Variants in EIF2AK3 observed in about 807,000 individuals in gnomAD.
EIF2AK3 encodes eukaryotic translation initiation factor 2-alpha kinase 3.
A neutral mutation model predicts 113.5 loss-of-function variants in EIF2AK3; 50 were observed. The observed-to-expected ratio is 0.44, with a 90% CI of 0.35 to 0.56. The LOEUF (loss-of-function observed/expected upper bound fraction) is 0.56, where lower values mean the gene tolerates loss of function less well. EIF2AK3 is among the 20% of genes least tolerant of loss of function. EIF2AK3 has a pLI of 0.00. For synonymous variants in EIF2AK3, 448 were observed against 495.4 expected, an observed-to-expected ratio of 0.90 and a Z score of 1.27; for missense variants, 1,185 against 1,378.0, an observed-to-expected ratio of 0.86 and a Z score of 2.22.
At position 88,576,713 on chromosome 2, in the gene EIF2AK3, A is replaced by T. The variant is rs760803985; in HGVS notation, c.1887-10T>A. ...TTCCCGAGCCAATTCCCTGAAAGAG[A>T]GAAAATATTTAAGGTGATGGATATT... On this transcript the variant is annotated splice_polypyrimidine_tract_variant and intron_variant, in intron 11 of 16. Transcript: ENST00000303236. The T allele has an allele frequency of 8.7e-6, 14 of 1,613,934 alleles. No individual in the cohort carries two copies. Among genetic ancestry groups the T allele is most frequent in the Non-Finnish European group, 1.2e-5 (14 of 1,179,922 alleles).
In EIF2AK3 at chr2:88,595,206, CAAAAA is replaced by C. The variant is rs11339424; in HGVS notation, c.633+258_633+262del. On this transcript the variant is annotated intron_variant, in intron 3 of 16. Coordinates refer to ENST00000303236, the MANE Select transcript of EIF2AK3 (RefSeq NM_004836.7). ...TGGGCAACAGAGTGAGACTCTGTCTCAAAAAAAAAAAAAAAAAAAAAAACACCTGA... is the reference window on the plus strand; with the variant it reads ...TGGGCAACAGAGTGAGACTCTGTCTCAAAAAAAAAAAAAAAAAACACCTGA... Among the ~76,000 whole-genome samples the C allele has an allele frequency of 0.042, 2,519 of 59,390 alleles. 30 individuals are homozygous for C. The highest frequency in any genetic ancestry group is 0.06 in the Non-Finnish European group (1,978 of 32,874). 39.0% of individuals were successfully genotyped at this position (59,390 alleles called of 152,430 possible). A position where few individuals can be genotyped will look rare whatever the true frequency, so the allele number is the denominator to read the frequency against.
Position 88,563,562 on chromosome 2 carries a change from G to A in EIF2AK3, c.2986-1172C>T, listed in dbSNP as rs191952521. ...TATAAGAAGCAACTTGGCAATAAAT[G>A]TTTACTCCTGCTTAATGATGCCATC... On this transcript the variant is annotated intron_variant, in intron 14 of 16. Transcript: ENST00000303236. 3.1e-3 allele frequency among the ~76,000 whole-genome samples: 476 copies of A among 152,222 alleles called. 2 individuals carry two copies. Among genetic ancestry groups the A allele is most frequent in the Middle Eastern group, 0.01 (3 of 294 alleles).
intron 3 of EIF2AK3, among the ~76,000 whole-genome samples, chr2:88,594,417 G>C (rs913887354): frequency 6.6e-6 from 1 of 152,096 alleles, no homozygotes. Context: ...GGCTGGTCTC[G>C]AACTCCTGGC....
chr2:88,621,948 G>T (rs1675734489), intron 1 of EIF2AK3, among the ~76,000 whole-genome samples: 1 of 147,960 alleles, frequency 6.8e-6, no homozygotes, highest in Non-Finnish European at 1.5e-5. Context: ...CCAGGCTGGA[G>T]TGCAGTGGCA....
intron 2 of EIF2AK3, among the ~76,000 whole-genome samples, chr2:88,599,079 T>C (rs1379183554): frequency 6.6e-6 from 1 of 151,920 alleles, no homozygotes; most frequent in Non-Finnish European, 1.5e-5. Context: ...TGAAATTATT[T>C]CCAAACAAGA....
At chr2:88,614,160 T>C (rs1173600173) in intron 1 of EIF2AK3, among the ~76,000 whole-genome samples, 4 of 152,180 alleles carry the variant, frequency 2.6e-5, no homozygotes. Context: ...CTGAAAGCCT[T>C]TCCCCTGAAA....
intron 1 of EIF2AK3, among the ~76,000 whole-genome samples, chr2:88,623,737 C>T (rs562230197): frequency 3.3e-5 from 5 of 152,188 alleles, no homozygotes; most frequent in East Asian, 1.9e-4. Context: ...TTATAAACTG[C>T]GTATTTATCT....
intron 1 of EIF2AK3, among the ~76,000 whole-genome samples, chr2:88,623,885 C>CAA (rs1675794478): frequency 6.6e-6 from 1 of 152,152 alleles, no homozygotes; most frequent in Admixed American, 6.5e-5. Flanking sequence ...CTCTTCAAGC[C>CAA]AAAATTCCTG....
intron 14 of EIF2AK3, among the ~76,000 whole-genome samples, chr2:88,566,520 C>CT (rs75677500): frequency 8.4e-4 from 124 of 146,878 alleles, no homozygotes; most frequent in Middle Eastern, 7.2e-3. Flanking sequence ...TTTAAAAACT[C>CT]TTTTTTTTTT....
At chr2:88,596,113 T>A (rs985115687) in intron 2 of EIF2AK3, among the ~76,000 whole-genome samples, 2 of 152,168 alleles carry the variant, frequency 1.3e-5, no homozygotes, top group African/African-American at 4.8e-5. Flanking sequence ...ATATGCAGTA[T>A]TTTCTAGGGC....
Position 88,556,970 on chromosome 2 carries a change from A to AAGAC in EIF2AK3, c.*762_*765dup, listed in dbSNP as rs1673794772. Reference sequence around the variant, plus strand: ...AGTACCAACCTACAGGATTACATATAAGACACTTAAGATTTCATTAGGCTT... The same window carrying AAGAC: ...AGTACCAACCTACAGGATTACATATAAGACAGACACTTAAGATTTCATTAGGCTT... On this transcript the variant is annotated 3_prime_UTR_variant, in exon 17 of 17. Transcript: ENST00000303236. 1 of 152,210 alleles carries AAGAC rather than the reference A, an allele frequency of 6.6e-6. No homozygotes were observed. The highest frequency in any genetic ancestry group is 1.5e-5 in the Non-Finnish European group (1 of 68,026). 9.4% of individuals were successfully genotyped at this position (152,210 alleles called of 1,614,324 possible). A position where few individuals can be genotyped will look rare whatever the true frequency, so the allele number is the denominator to read the frequency against.
intron 4 of EIF2AK3, among the ~76,000 whole-genome samples, chr2:88,591,603 C>T (rs1354718226): frequency 6.6e-6 from 1 of 152,154 alleles, no homozygotes; most frequent in Non-Finnish European, 1.5e-5. Context: ...TGTGGCAAGT[C>T]ATTTACCCTT....
chr2:88,581,679 ATTC>A (rs1427673683), intron 10 of EIF2AK3, among the ~76,000 whole-genome samples: 1 of 152,192 alleles, frequency 6.6e-6, no homozygotes, highest in Admixed American at 6.5e-5. Context: ...TGGATCCTTT[ATTC>A]TTTCTCTCAC....
rs1222983133 is a variant in EIF2AK3, at chr2:88,590,874, C to T, written c.946G>A (p.Asp316Asn). 1.2e-6 allele frequency: 2 copies of T among 1,614,098 alleles called. No individual in the cohort carries two copies. Among genetic ancestry groups the T allele is most frequent in the Admixed American group, 3.3e-5 (2 of 60,026 alleles). ...TTACTGAATGCCATAACTTTCCAGT[C>T]AGCAACCGAAACCTTTATCACTATG... Reference protein sequence around the residue: ...MDIVIKVSVADWKVMAFSKKG... With the variant: ...MDIVIKVSVANWKVMAFSKKG... Residue 316 changes from aspartate (D) to asparagine (N), a missense_variant, in exon 5 of 17, where the codon GAC becomes AAC. Physicochemically the swap from Asp to Asn is conservative, Grantham distance 23. Coordinates refer to ENST00000303236, the MANE Select transcript of EIF2AK3 (RefSeq NM_004836.7).
intron 1 of EIF2AK3, 38 bp from the exon 2 acceptor site, chr2:88,613,891 T>G (rs772208403): frequency 1.3e-5 from 21 of 1,561,336 alleles, no homozygotes; most frequent in Non-Finnish European, 1.1e-5. Flanking sequence ...TTAACAGATA[T>G]CTAAGATATT....
intron 1 of EIF2AK3, 82 bp downstream of exon 1, chr2:88,626,885 C>T (rs1573431770): frequency 1.3e-6 from 2 of 1,546,834 alleles, no homozygotes; most frequent in East Asian, 2.5e-5. Context: ...GCCCGGGTCC[C>T]GGATCTCCGC....
chr2:88,627,092 C>T lies in EIF2AK3; in HGVS notation c.183G>A (p.Ala61=), dbSNP rs780486398. The T allele has an allele frequency of 1.3e-6, 2 of 1,548,176 alleles. No homozygotes were observed. The highest frequency in any genetic ancestry group is 1.7e-6 in the Non-Finnish European group (2 of 1,155,482). The change falls in exon 1 of 17, where the codon GCG becomes GCA. Residue 61 remains alanine (A), a synonymous_variant. Transcript: ENST00000303236. ...AAPTSATRVP[A]AGAVAAAEVT... is the part of the protein sequence containing the mutation. Reference sequence around the variant, plus strand: ...CCTCGGCCGCAGCCACGGCGCCCGCCGCCGGTACTCGCGTCGCTGAGGTGG... The same window carrying T: ...CCTCGGCCGCAGCCACGGCGCCCGCTGCCGGTACTCGCGTCGCTGAGGTGG...
chr2:88,619,887 C>A (rs192144832), intron 1 of EIF2AK3, among the ~76,000 whole-genome samples: 10 of 145,868 alleles, frequency 6.9e-5, no homozygotes, highest in Admixed American at 3.6e-4. Flanking sequence ...ACCTGGGAGG[C>A]GGAGGTTGCA....
chr2:88,571,356 C>T (rs1674303228), intron 13 of EIF2AK3, among the ~76,000 whole-genome samples: 1 of 152,160 alleles, frequency 6.6e-6, no homozygotes, highest in African/African-American at 2.4e-5. Context: ...TCTTCCCAGG[C>T]AAGCATCTCT....
Sources: allele counts gnomAD v4.1 joint callset (sites outside exome capture counted in the v4.1 genomes callset), GRCh38; gene constraint gnomAD v4.1.1; transcripts MANE v1.5; gene names NCBI Gene and HGNC (gene_info 2026-07-23, HGNC 2026-07-21).